The following TAFA5 variants were observed in gnomAD, a reference collection of about 807,000 sequenced individuals.
TAFA5 encodes chemokine-like protein TAFA-5.
TAFA5 carries 6 observed loss-of-function variants against 15.3 expected under a neutral mutation model. The ratio of observed to expected loss-of-function variants is 0.39; its 90% CI spans 0.21 to 0.77. TAFA5 has a LOEUF of 0.77. TAFA5 is among the 30% of genes least tolerant of loss of function. The pLI, the probability that TAFA5 is intolerant of heterozygous loss-of-function variation, is 0.41. For missense variants in TAFA5, 161 were observed against 193.1 expected (o/e 0.83, Z 0.98); for synonymous variants, 103 against 80.7 (o/e 1.28, Z -1.48).
At chr22:48,618,210 A>G (rs1925681673) in intron 1 of TAFA5, among the ~76,000 whole-genome samples, 1 of 152,008 alleles carries the variant, frequency 6.6e-6, no homozygotes, top group Non-Finnish European at 1.5e-5. Flanking sequence ...GGGGCTCTGG[A>G]AGTCTCTACA....
intron 1 of TAFA5, among the ~76,000 whole-genome samples, chr22:48,593,665 C>A (rs928825043): frequency 6.6e-6 from 1 of 152,178 alleles, no homozygotes; most frequent in African/African-American, 2.4e-5. Context: ...CGCCTTCTCA[C>A]CGCGCGCTCG....
chr22:48,734,157 C>T (rs1259215036), intron 3 of TAFA5, among the ~76,000 whole-genome samples: 1 of 152,162 alleles, frequency 6.6e-6, no homozygotes, highest in African/African-American at 2.4e-5. Context: ...AACTATTGAT[C>T]ACAGCAGAAA....
intron 1 of TAFA5, among the ~76,000 whole-genome samples, chr22:48,599,383 C>T (rs73173433): frequency 0.097 from 14,842 of 152,278 alleles, 786 homozygotes; most frequent in South Asian, 0.17. Flanking sequence ...AGAGACTGAA[C>T]GTGTTCGTTA....
chr22:48,688,102 GTTT>G (rs130111), intron 2 of TAFA5, among the ~76,000 whole-genome samples: 1 of 150,338 alleles, frequency 6.7e-6, no homozygotes, highest in African/African-American at 2.5e-5. Context: ...GTGTTTTGGG[GTTT>G]TTTTTTCCCT....
intron 1 of TAFA5, among the ~76,000 whole-genome samples, chr22:48,549,300 G>A (rs1922782477): frequency 6.6e-6 from 1 of 152,214 alleles, no homozygotes; most frequent in African/African-American, 2.4e-5. Flanking sequence ...CAGCGTGTTT[G>A]AATTACCTGG....
At chr22:48,562,834 G>A (rs961276464) in intron 1 of TAFA5, among the ~76,000 whole-genome samples, 6 of 152,136 alleles carry the variant, frequency 3.9e-5, no homozygotes, top group Non-Finnish European at 7.4e-5. Context: ...GGACTCACTC[G>A]TGAACTTTGG....
chr22:48,535,209 C>A lies in TAFA5; in HGVS notation c.112+45505C>A, dbSNP rs147537106. 9.6e-3 allele frequency among the ~76,000 whole-genome samples: 1,458 copies of A among 152,322 alleles called. 5 individuals carry two copies. Among genetic ancestry groups the A allele is most frequent in the Admixed American group, 0.02 (307 of 15,306 alleles). ...ATACAGGTTTTTATGCAAATGATCA[C>A]CCCACCACTGTAGTATGTGTGTGTG... On this transcript the variant is annotated intron_variant, in intron 1 of 3. Transcript: ENST00000402357.
chr22:48,645,697 G>C (rs1926835927), intron 1 of TAFA5, among the ~76,000 whole-genome samples: 1 of 151,996 alleles, frequency 6.6e-6, no homozygotes, highest in African/African-American at 2.4e-5. Flanking sequence ...GCCTGTCCAC[G>C]ACACCCATGG....
Position 48,489,613 on chromosome 22 carries a change from C to A in TAFA5, c.21C>A (p.Thr7=). 1 of 1,500,802 alleles carries A rather than the reference C, an allele frequency of 6.7e-7. No individual in the cohort carries two copies. Among genetic ancestry groups the A allele is most frequent in the Non-Finnish European group, 8.9e-7 (1 of 1,122,590 alleles). The allele number at this position is 1,500,802 out of a possible 1,614,324, so 93.0% of individuals were successfully genotyped here. ...CTTCAATGGCGCCATCGCCCAGGAC[C>A]GGCAGCCGGCAAGATGCGACCGCCC... MAPSPR[T]GSRQDATALP... is the part of the protein sequence containing the mutation. Residue 7 remains threonine (T), a synonymous_variant, in exon 1 of 4, where the codon ACC becomes ACA. Transcript: ENST00000402357. The surrounding 1 kb of genome is among the most constrained non-coding windows in gnomAD (Gnocchi z 5.5).
chr22:48,627,286 G>T (rs1180868774), intron 1 of TAFA5, among the ~76,000 whole-genome samples: 1 of 152,220 alleles, frequency 6.6e-6, no homozygotes, highest in Non-Finnish European at 1.5e-5. Flanking sequence ...TAAGAGTCTT[G>T]GTACAGTGAA....
intron 1 of TAFA5, among the ~76,000 whole-genome samples, chr22:48,609,807 G>A (rs570788761): frequency 1.4e-4 from 22 of 152,286 alleles, no homozygotes; most frequent in Admixed American, 9.8e-4. Context: ...AGCTGCTCCC[G>A]GCTGCTCTCT....
chr22:48,749,370 G>T (rs992608320), intron 3 of TAFA5, among the ~76,000 whole-genome samples: 2 of 152,228 alleles, frequency 1.3e-5, no homozygotes, highest in African/African-American at 4.8e-5. Context: ...CCAGGGGAGG[G>T]TGGCTCCGTG....
At chr22:48,688,985 T>G (rs2147236355) in intron 2 of TAFA5, among the ~76,000 whole-genome samples, 1 of 122,646 alleles carries the variant, frequency 8.2e-6, no homozygotes, top group East Asian at 2.2e-4. Context: ...GAGCAAGACT[T>G]GTCTCGGAAA....
At chr22:48,500,290 A>G (rs1920945110) in intron 1 of TAFA5, among the ~76,000 whole-genome samples, 1 of 152,192 alleles carries the variant, frequency 6.6e-6, no homozygotes, top group Admixed American at 6.5e-5. Context: ...CCTGACCAAC[A>G]ACAGCTTAAA....
chr22:48,713,919 A>G (rs1467438970), intron 3 of TAFA5, among the ~76,000 whole-genome samples: 1 of 152,218 alleles, frequency 6.6e-6, no homozygotes, highest in African/African-American at 2.4e-5. Flanking sequence ...TAACAGATCC[A>G]TGGGAAGAAC....
intron 1 of TAFA5, among the ~76,000 whole-genome samples, chr22:48,561,119 G>A (rs578031800): frequency 1.3e-5 from 2 of 152,124 alleles, no homozygotes; most frequent in African/African-American, 2.4e-5. Context: ...CTGGGAAGGC[G>A]TGTGTGATCA....
intron 3 of TAFA5, among the ~76,000 whole-genome samples, chr22:48,721,459 C>A (rs1929568422): frequency 6.6e-6 from 1 of 152,186 alleles, no homozygotes; most frequent in South Asian, 2.1e-4. Context: ...CTGTCTGATT[C>A]CAAGTCTCAT....
At chr22:48,600,163 G>C (rs28524851) in intron 1 of TAFA5, among the ~76,000 whole-genome samples, 48,298 of 151,966 alleles carry the variant, frequency 0.32, 8,114 homozygotes, top group East Asian at 0.52. Context: ...TCACAGCCGA[G>C]ATCTCCCCTG....
At chr22:48,535,284 C>A (rs936648625) in intron 1 of TAFA5, among the ~76,000 whole-genome samples, 4 of 152,240 alleles carry the variant, frequency 2.6e-5, no homozygotes, top group Non-Finnish European at 4.4e-5. Context: ...CACACTCCCA[C>A]ACACTGTGAC....
Sources: gnomAD v4.1 joint callset for allele counts (sites outside exome capture counted in the v4.1 genomes callset) on GRCh38, gnomAD v4.1.1 for gene constraint, Gnocchi (gnomAD v3.1) non-coding constraint, MANE v1.5 for transcripts, NCBI Gene and HGNC (gene_info 2026-07-23, HGNC 2026-07-21) for gene names.